NPHS2: variants seen among roughly 807,000 people sequenced by gnomAD.
NPHS2 encodes NPHS2 stomatin family member, podocin.
A neutral mutation model predicts 37.1 loss-of-function variants in NPHS2; 36 were observed. The observed-to-expected ratio is 0.97, with a 90% CI of 0.74 to 1.28. The LOEUF is 1.28. NPHS2 is among the 50% of genes most tolerant of loss of function. The pLI, the probability that NPHS2 is intolerant of heterozygous loss-of-function variation, is 0.00. For missense variants in NPHS2, 447 were observed against 488.1 expected (o/e 0.92, Z 0.79); for synonymous variants, 196 against 189.3 (o/e 1.04, Z -0.29).
chr1:179,566,650 T>C (rs1674344953), intron 1 of NPHS2, among the ~76,000 whole-genome samples: 1 of 152,010 alleles, frequency 6.6e-6, no homozygotes, highest in South Asian at 2.1e-4. Flanking sequence ...ATGCCTATGT[T>C]CTGAACGGTA....
In NPHS2 at chr1:179,552,805, AGT is replaced by A; in HGVS notation, c.795-126_795-125del. 12 of 750,088 alleles carry A rather than the reference AGT, an allele frequency of 1.6e-5. No individual in the cohort carries two copies. In the South Asian group the frequency reaches 1.8e-4, roughly 11 times the overall value. 46.5% of individuals were successfully genotyped at this position (750,088 alleles called of 1,614,324 possible). A position where few individuals can be genotyped will look rare whatever the true frequency, so the allele number is the denominator to read the frequency against. On this transcript the variant is annotated intron_variant, in intron 6 of 7. Coordinates refer to ENST00000367615, the MANE Select transcript of NPHS2 (RefSeq NM_014625.4). Reference sequence around the variant, plus strand: ...TGAGTAGCAAATTTGGAGTGACCAGAGTGTGCCATTCCTAGACTTCTGAGGTC... The same window carrying A: ...TGAGTAGCAAATTTGGAGTGACCAGAGTGCCATTCCTAGACTTCTGAGGTC...
chr1:179,565,394 C>T (rs184065175), intron 1 of NPHS2, among the ~76,000 whole-genome samples: 82 of 152,272 alleles, frequency 5.4e-4, no homozygotes, highest in Admixed American at 1.3e-3. Context: ...TTAGGCAAGG[C>T]GTATGACCTT....
chr1:179,553,356 A>C (rs1673599132), intron 6 of NPHS2, among the ~76,000 whole-genome samples: 1 of 152,234 alleles, frequency 6.6e-6, no homozygotes, highest in Non-Finnish European at 1.5e-5. Context: ...GAAACAACCT[A>C]AATGTCCATC....
intron 7 of NPHS2, 43 bp downstream of exon 7, chr1:179,552,560 G>C (rs771086185): frequency 6.7e-7 from 1 of 1,485,726 alleles, no homozygotes; most frequent in Admixed American, 1.7e-5. Context: ...CCACGAGCAG[G>C]CCTTCCTAAA....
chr1:179,572,253 G>A (rs1430005631), intron 1 of NPHS2, among the ~76,000 whole-genome samples: 3 of 152,166 alleles, frequency 2.0e-5, no homozygotes, highest in Admixed American at 2.0e-4. Flanking sequence ...TATCTTCCAT[G>A]AAATAACTTC....
intron 1 of NPHS2, among the ~76,000 whole-genome samples, chr1:179,574,031 A>G (rs113249791): frequency 2.0e-4 from 31 of 152,230 alleles, no homozygotes; most frequent in African/African-American, 6.0e-4. Context: ...TGCTAGGTGA[A>G]AAAGAGGAGG....
intron 6 of NPHS2, among the ~76,000 whole-genome samples, chr1:179,553,777 C>T (rs1033285734): frequency 6.6e-6 from 1 of 152,166 alleles, no homozygotes; most frequent in Non-Finnish European, 1.5e-5. Flanking sequence ...GACAGAGTCT[C>T]ACTCTGTCAC....
At chr1:179,562,982 C>G (rs1455862273) in intron 2 of NPHS2, among the ~76,000 whole-genome samples, 1 of 152,164 alleles carries the variant, frequency 6.6e-6, no homozygotes, top group Admixed American at 6.5e-5. Context: ...TCCCAAAAAC[C>G]ATGGCTGAGT....
Position 179,575,703 on chromosome 1 carries a change from C to T in NPHS2, c.162G>A (p.Pro54=). 6.4e-7 allele frequency: 1 copy of T among 1,572,348 alleles called. No individual in the cohort carries two copies. Residue 54 remains proline (P), a synonymous_variant, in exon 1 of 8, where the codon CCG becomes CCA. Coordinates refer to ENST00000367615, the MANE Select transcript of NPHS2 (RefSeq NM_014625.4). ...EPSGSGRAGT[P]GEPRAPAATV... is the part of the protein sequence containing the mutation. ...TGGCGGCGGGCGCTCGGGGCTCCCCCGGGGTCCCCGCCCGTCCGGAGCCCG... is the reference window on the plus strand; with the variant it reads ...TGGCGGCGGGCGCTCGGGGCTCCCCTGGGGTCCCCGCCCGTCCGGAGCCCG...
Position 179,556,006 on chromosome 1 carries a change from A to G in NPHS2, c.738+1021T>C, listed in dbSNP as rs1197831510. 6.6e-6 allele frequency among the ~76,000 whole-genome samples: 1 copy of G among 152,212 alleles called. No homozygotes were observed. The highest frequency in any genetic ancestry group is 1.5e-5 in the Non-Finnish European group (1 of 68,038). Reference sequence around the variant, plus strand: ...TTTTATCATGGGTTTATTAGGATACATGCATTTTTGACTTACGATATTTTT... The same window carrying G: ...TTTTATCATGGGTTTATTAGGATACGTGCATTTTTGACTTACGATATTTTT... On this transcript the variant is annotated intron_variant, in intron 5 of 7. Transcript: ENST00000367615. This position sits in a 1 kb window ranked among gnomAD's most constrained non-coding sequence, Gnocchi z 4.1.
rs188464164 is a variant in NPHS2, at chr1:179,573,167, A to C, written c.274+2424T>G. 6.6e-5 allele frequency among the ~76,000 whole-genome samples: 10 copies of C among 152,262 alleles called. No individual in the cohort carries two copies. In the East Asian group the frequency reaches 1.9e-3, roughly 29 times the overall value. Reference sequence around the variant, plus strand: ...TTTTTAAGAGATGGGGACAAAGGGGATAACTAATTAGTAGGCCTGAAAATT... The same window carrying C: ...TTTTTAAGAGATGGGGACAAAGGGGCTAACTAATTAGTAGGCCTGAAAATT... On this transcript the variant is annotated intron_variant, in intron 1 of 7. Coordinates refer to ENST00000367615, the MANE Select transcript of NPHS2 (RefSeq NM_014625.4).
intron 4 of NPHS2, among the ~76,000 whole-genome samples, chr1:179,557,630 G>A (rs1673988552): frequency 6.6e-6 from 1 of 152,132 alleles, no homozygotes; most frequent in Non-Finnish European, 1.5e-5. Flanking sequence ...TACATCATAA[G>A]CCCTAGAAAG....
At chr1:179,572,917 C>T (rs986024660) in intron 1 of NPHS2, among the ~76,000 whole-genome samples, 8 of 152,048 alleles carry the variant, frequency 5.3e-5, no homozygotes, top group African/African-American at 1.9e-4. Context: ...TTTCTGCATC[C>T]TCGGCCTCCT....
At chr1:179,569,653 T>C (rs1399624079) in intron 1 of NPHS2, among the ~76,000 whole-genome samples, 1 of 152,248 alleles carries the variant, frequency 6.6e-6, no homozygotes, top group African/African-American at 2.4e-5. Context: ...TCTTTACAAT[T>C]TGGCATGTTT....
In NPHS2 at chr1:179,575,660, C is replaced by A. The variant is rs1434578927; in HGVS notation, c.205G>T (p.Glu69Ter). The change falls in exon 1 of 8, where the codon GAG becomes TAG. Residue 69 changes from glutamate to a stop codon, truncating the protein, a stop_gained. Coordinates refer to ENST00000367615, the MANE Select transcript of NPHS2 (RefSeq NM_014625.4). LOFTEE classifies it high-confidence loss of function. The part of the protein sequence containing the change: ...APAATVVDVD[E>*]VRGSGEEGTE... ...CCCTCCTCGCCGGAGCCTCGGACCT[C>A]ATCCACGTCCACCACCGTGGCGGCG... 1 of 1,603,348 alleles carries A rather than the reference C, an allele frequency of 6.2e-7. No individual in the cohort carries two copies. The highest frequency in any genetic ancestry group is 1.3e-5 in the African/African-American group (1 of 74,916).
chr1:179,551,581 G>A (rs558468925), intron 7 of NPHS2, 130 bp from the exon 8 acceptor site: 4 of 1,043,532 alleles, frequency 3.8e-6, no homozygotes, highest in Non-Finnish European at 5.7e-6. Flanking sequence ...CATAGAACAT[G>A]TTTATTCTTC....
At chr1:179,558,040 T>G (rs1356665702) in intron 4 of NPHS2, among the ~76,000 whole-genome samples, 1 of 151,322 alleles carries the variant, frequency 6.6e-6, no homozygotes, top group Non-Finnish European at 1.5e-5. Context: ...TTGGGGTGAG[T>G]TTTTTTTCCC....
Position 179,557,011 on chromosome 1 carries a change from A to G in NPHS2, c.738+16T>C. ...TAAATATTTCAGCATATTGGCCATTATGTTTATCTAAGTACCTTTGCATCT... is the reference window on the plus strand; with the variant it reads ...TAAATATTTCAGCATATTGGCCATTGTGTTTATCTAAGTACCTTTGCATCT... On this transcript the variant is annotated intron_variant, in intron 5 of 7. Coordinates refer to ENST00000367615, the MANE Select transcript of NPHS2 (RefSeq NM_014625.4). 1 of 1,594,290 alleles carries G rather than the reference A, an allele frequency of 6.3e-7. No homozygotes were observed. Among genetic ancestry groups the G allele is most frequent in the South Asian group, 1.1e-5 (1 of 90,128 alleles).
At chr1:179,552,059 TCCTCTTCCCAAGGCCC>T (rs1673360695) in intron 7 of NPHS2, 1 of 168,506 alleles carries the variant, frequency 5.9e-6, no homozygotes. Flanking sequence ...TTCTTCACTT[TCCTCTTCCCAAGGCCC>T]CCTCACCCAC....
Sources: gnomAD v4.1 joint callset for allele counts (sites outside exome capture counted in the v4.1 genomes callset) on GRCh38, gnomAD v4.1.1 for gene constraint, Gnocchi (gnomAD v3.1) non-coding constraint, MANE v1.5 for transcripts, NCBI Gene and HGNC (gene_info 2026-07-23, HGNC 2026-07-21) for gene names.